SLC35E4: variants seen among roughly 807,000 people sequenced by gnomAD.
SLC35E4 encodes solute carrier family 35, member E4.
In SLC35E4, 15 loss-of-function variants were observed where a neutral mutation model predicts 19.3. The observed-to-expected ratio is 0.78, with a 90% CI of 0.52 to 1.20. The LOEUF (loss-of-function observed/expected upper bound fraction) is 1.20. Ranked by LOEUF, SLC35E4 falls within the 50% of genes most tolerant of loss-of-function variation. The pLI is 0.00. For missense variants in SLC35E4, 406 were observed against 472.3 expected (o/e 0.86, Z 1.30); for synonymous variants, 219 against 219.9 (o/e 1.00, Z 0.04).
chr22:30,647,122 G>C lies in SLC35E4; in HGVS notation c.*91G>C. The C allele has an allele frequency of 7.1e-7, 1 of 1,417,672 alleles. No homozygotes were observed. Among genetic ancestry groups the C allele is most frequent in the Non-Finnish European group, 9.4e-7 (1 of 1,069,352 alleles). The allele number at this position is 1,417,672 out of a possible 1,614,324, so 87.8% of individuals were successfully genotyped here. A position where few individuals can be genotyped will look rare whatever the true frequency, so the allele number is the denominator to read the frequency against. On this transcript the variant is annotated 3_prime_UTR_variant, in exon 2 of 2. Coordinates refer to ENST00000343605, the MANE Select transcript of SLC35E4 (RefSeq NM_001001479.4). ...TAGAAGGAATGGAGAACAGGGCTGG[G>C]CATGGTGGCTCACGCCTATAATCCC...
chr22:30,655,466 G>C (rs1420411277), intron 2 of SLC35E4, among the ~76,000 whole-genome samples: 3 of 147,794 alleles, frequency 2.0e-5, no homozygotes, highest in African/African-American at 7.5e-5. Context: ...AAAAAAAGAA[G>C]CCACTAGCCT....
chr22:30,642,679 T>TGCCTCG (rs2088063107), intron 1 of SLC35E4, among the ~76,000 whole-genome samples: 1 of 145,362 alleles, frequency 6.9e-6, no homozygotes, highest in African/African-American at 2.6e-5. Context: ...AGGCGGAGGT[T>TGCCTCG]GCAGTGAGCC....
chr22:30,666,348 C>T (rs1205479689), downstream of SLC35E4, among the ~76,000 whole-genome samples: 2 of 152,072 alleles, frequency 1.3e-5, no homozygotes, highest in Non-Finnish European at 1.5e-5. Context: ...GGGCTGGGCA[C>T]GGTGGCTTAA....
In SLC35E4 at chr22:30,636,749, G is replaced by T. The variant is rs1279048883; in HGVS notation, c.299G>T (p.Arg100Leu). 1.2e-6 allele frequency: 2 copies of T among 1,611,916 alleles called. No individual in the cohort carries two copies. Among genetic ancestry groups the T allele is most frequent in the Non-Finnish European group, 1.7e-6 (2 of 1,179,390 alleles). ...CTGGCATGCCACCGGGGGGCACGGC[G>T]CCCCATGCCAGGCGGCACTCGCTGC... ...AALACHRGAR[R>L]PMPGGTRCRV... Residue 100 changes from arginine (R) to leucine (L), a missense_variant, in exon 1 of 2, where the codon CGC becomes CTC. Physicochemically the swap from Arg to Leu is moderately radical, Grantham distance 102. Transcript: ENST00000343605.
downstream of SLC35E4, among the ~76,000 whole-genome samples, chr22:30,666,457 A>G (rs1284393376): frequency 6.6e-6 from 1 of 152,064 alleles, no homozygotes; most frequent in Non-Finnish European, 1.5e-5. Flanking sequence ...CCCCGTCTCT[A>G]CTAAAAATAC....
chr22:30,660,486 T>A (rs557593717), intron 2 of SLC35E4, among the ~76,000 whole-genome samples: 2 of 152,168 alleles, frequency 1.3e-5, no homozygotes, highest in South Asian at 2.1e-4. Flanking sequence ...GAAAATTTTT[T>A]AAAAAATGAA....
At chr22:30,667,516 G>A (rs2088722022), downstream of SLC35E4, 2 of 152,276 alleles carry the variant, frequency 1.3e-5, no homozygotes, top group Non-Finnish European at 2.9e-5. Context: ...GCTTGGGGAA[G>A]CCTTAGGCAA....
At chr22:30,667,234 C>T (rs574096925), downstream of SLC35E4, 2 of 152,200 alleles carry the variant, frequency 1.3e-5, no homozygotes, top group African/African-American at 4.8e-5. Context: ...TTGTTCAGAA[C>T]GAGTCATAAA....
intron 1 of SLC35E4, among the ~76,000 whole-genome samples, chr22:30,646,342 C>T (rs1250058218): frequency 6.6e-6 from 1 of 152,180 alleles, no homozygotes; most frequent in African/African-American, 2.4e-5. Flanking sequence ...CCCAACTCTC[C>T]AGGTGAGGAA....
chr22:30,658,154 A>C (rs1487034183), intron 2 of SLC35E4, among the ~76,000 whole-genome samples: 1 of 151,446 alleles, frequency 6.6e-6, no homozygotes, highest in Non-Finnish European at 1.5e-5. Flanking sequence ...TCGGGGTTCT[A>C]GTTCTAAGTA....
At chr22:30,665,579 T>A (rs1569074332), downstream of SLC35E4, 1 of 470,162 alleles carries the variant, frequency 2.1e-6, no homozygotes. Context: ...TTAAGGGAAA[T>A]CTCCTTAGAT....
At chr22:30,653,448 TGCAACCTCCG>T (rs2088266662) in intron 2 of SLC35E4, among the ~76,000 whole-genome samples, 3 of 151,638 alleles carry the variant, frequency 2.0e-5, no homozygotes, top group Non-Finnish European at 4.4e-5. Context: ...CTCGGCTCAC[TGCAACCTCCG>T]CCTCCTGGGT....
rs56070783 is a variant in SLC35E4, at chr22:30,641,718, ATTTTTTTTTTTT to A, written c.619+4665_619+4676del. Among the ~76,000 whole-genome samples, 7 of 108,936 alleles carry A rather than the reference ATTTTTTTTTTTT, an allele frequency of 6.4e-5. No individual in the cohort carries two copies. In the East Asian group the frequency reaches 1.8e-3, roughly 27 times the overall value. 71.5% of individuals were successfully genotyped at this position (108,936 alleles called of 152,430 possible). ...ATGCCACCGTCCTGGCTAATTTTTAATTTTTTTTTTTTTTTTTTTTTTTTTTTAGAAACAGGC... is the reference window on the plus strand; with the variant it reads ...ATGCCACCGTCCTGGCTAATTTTTAATTTTTTTTTTTTTTTAGAAACAGGC... On this transcript the variant is annotated intron_variant, in intron 1 of 1. Coordinates refer to ENST00000343605, the MANE Select transcript of SLC35E4 (RefSeq NM_001001479.4).
At chr22:30,667,072 G>C (rs78797712), downstream of SLC35E4, 4 of 152,110 alleles carry the variant, frequency 2.6e-5, no homozygotes, top group African/African-American at 9.7e-5. Context: ...ATAGCAACTC[G>C]GTAGCAGTTC....
At chr22:30,658,232 G>A (rs2145598895) in intron 2 of SLC35E4, among the ~76,000 whole-genome samples, 1 of 151,772 alleles carries the variant, frequency 6.6e-6, no homozygotes, top group South Asian at 2.1e-4. Context: ...TGGATCTGAG[G>A]ACTCTGAAAA....
At chr22:30,651,405 A>G (rs1269449034), downstream of SLC35E4, among the ~76,000 whole-genome samples, 1,076 of 59,028 alleles carry the variant, frequency 0.018, 17 homozygotes, top group African/African-American at 0.03. Context: ...GTGTGTATAT[A>G]TATATATATA....
chr22:30,649,471 A>T (rs560587260), downstream of SLC35E4, among the ~76,000 whole-genome samples: 24 of 152,014 alleles, frequency 1.6e-4, no homozygotes, highest in Middle Eastern at 3.4e-3. Context: ...AGGGCTGAGT[A>T]AAGGGCCAGC....
At chr22:30,657,294 C>T (rs2088358673) in intron 2 of SLC35E4, among the ~76,000 whole-genome samples, 2 of 146,694 alleles carry the variant, frequency 1.4e-5, no homozygotes, top group Non-Finnish European at 1.5e-5. Flanking sequence ...CACACACACA[C>T]ACACACACAC....
intron 2 of SLC35E4, among the ~76,000 whole-genome samples, chr22:30,653,598 C>A (rs868224416): frequency 6.6e-6 from 1 of 151,646 alleles, no homozygotes; most frequent in African/African-American, 2.4e-5. Flanking sequence ...GTCTCGAACT[C>A]CTGATCTCAA....
Sources: allele counts gnomAD v4.1 joint callset (sites outside exome capture counted in the v4.1 genomes callset), GRCh38; gene constraint gnomAD v4.1.1; transcripts MANE v1.5; gene names NCBI Gene and HGNC (gene_info 2026-07-23, HGNC 2026-07-21).